The following PLCB1 variants were observed in gnomAD, a reference collection of about 807,000 sequenced individuals.
PLCB1 encodes the protein phospholipase C beta 1.
In PLCB1, 46 loss-of-function variants were observed where a neutral mutation model predicts 161.8. The observed-to-expected ratio is 0.28, with a 90% confidence interval of 0.22 to 0.36. The LOEUF (loss-of-function observed/expected upper bound fraction) is 0.36. Ranked by LOEUF, PLCB1 falls within the 10% of genes least tolerant of loss-of-function variation. The pLI is 1.00. For missense variants in PLCB1, 1,016 were observed against 1,472.5 expected, an observed-to-expected ratio of 0.69 and a Z score of 5.07; for synonymous variants, 517 against 503.7, an observed-to-expected ratio of 1.03 and a Z score of -0.35.
At chr20:8,337,698 G>C (rs1985636974) in intron 2 of PLCB1, among the ~76,000 whole-genome samples, 1 of 152,094 alleles carries the variant, frequency 6.6e-6, no homozygotes. Flanking sequence ...TTTCAATGTT[G>C]GTTTGAACAA....
intron 2 of PLCB1, among the ~76,000 whole-genome samples, chr20:8,267,393 C>T (rs1982024126): frequency 6.6e-6 from 1 of 152,128 alleles, no homozygotes; most frequent in Non-Finnish European, 1.5e-5. Flanking sequence ...CAGTTTTCCT[C>T]AAGATGGGAC....
intron 3 of PLCB1, among the ~76,000 whole-genome samples, chr20:8,455,598 G>A (rs553715581): frequency 1.2e-4 from 18 of 151,486 alleles, no homozygotes; most frequent in South Asian, 2.1e-4. Context: ...CCGCCACCAC[G>A]CCCGGCTAAT....
At chr20:8,321,020 T>TAAAG (rs543999649) in intron 2 of PLCB1, among the ~76,000 whole-genome samples, 1 of 150,270 alleles carries the variant, frequency 6.7e-6, no homozygotes, top group Non-Finnish European at 1.5e-5. Flanking sequence ...GGGAGGGAGA[T>TAAAG]AAAGAAAGAA....
In PLCB1 at chr20:8,387,977, TAA is replaced by T. The variant is rs1555802977; in HGVS notation, c.246+16546_246+16547del. Among the ~76,000 whole-genome samples the T allele has an allele frequency of 2.7e-3, 337 of 126,754 alleles. 2 individuals carry two copies. The highest frequency in any genetic ancestry group is 9.3e-3 in the African/African-American group (307 of 33,136). The allele number at this position is 126,754 out of a possible 152,430, so 83.2% of individuals were successfully genotyped here. On this transcript the variant is annotated intron_variant, in intron 3 of 31. Coordinates refer to ENST00000338037, the MANE Select transcript of PLCB1 (RefSeq NM_015192.4). ...ATTATGTATGTTTTACCACTTTTTT[TAA>T]AAAAAAAAAAAAAAAAAAGAAGAAA... is the stretch of plus-strand genomic sequence containing the variant.
chr20:8,448,321 GC>G lies in PLCB1; in HGVS notation c.246+76873del, dbSNP rs1225179140. The stretch of plus-strand genomic sequence containing the variant: ...AACCTGAAACGCACATCAGTCTTGT[GC>G]CTTTTTCTGTTTCTTCCACTAGCAG... On this transcript the variant is annotated intron_variant, in intron 3 of 31. Transcript: ENST00000338037. 3.9e-5 allele frequency among the ~76,000 whole-genome samples: 6 copies of G among 152,252 alleles called. No individual in the cohort carries two copies. In the East Asian group the frequency reaches 1.2e-3, roughly 29 times the overall value.
chr20:8,264,140 A>G (rs563522413), intron 2 of PLCB1, among the ~76,000 whole-genome samples: 2 of 152,314 alleles, frequency 1.3e-5, no homozygotes, highest in South Asian at 2.1e-4. Context: ...CAATTTTTAA[A>G]TATTTAGTTT....
At chr20:8,294,333 C>A (rs1983526184) in intron 2 of PLCB1, among the ~76,000 whole-genome samples, 1 of 151,954 alleles carries the variant, frequency 6.6e-6, no homozygotes, top group Non-Finnish European at 1.5e-5. Flanking sequence ...ATTAATATCA[C>A]AGTGAGATAT....
intron 10 of PLCB1, among the ~76,000 whole-genome samples, chr20:8,685,343 G>GCA (rs936220854): frequency 6.6e-6 from 1 of 151,894 alleles, no homozygotes; most frequent in Non-Finnish European, 1.5e-5. Flanking sequence ...CAGATCAATG[G>GCA]GATTTTTGTG....
chr20:8,412,014 G>T (rs560966623), intron 3 of PLCB1, among the ~76,000 whole-genome samples: 1 of 151,566 alleles, frequency 6.6e-6, no homozygotes, highest in South Asian at 2.1e-4. Context: ...CAACAGCAAA[G>T]ACTCCGTCTC....
chr20:8,352,481 T>C (rs1170501724), intron 2 of PLCB1, among the ~76,000 whole-genome samples: 3 of 152,160 alleles, frequency 2.0e-5, no homozygotes, highest in Non-Finnish European at 4.4e-5. Flanking sequence ...ACTATGCATT[T>C]ATAAAAATCT....
intron 3 of PLCB1, among the ~76,000 whole-genome samples, chr20:8,409,444 TTTATTA>T (rs66962703): frequency 0.05 from 7,428 of 147,312 alleles, 280 homozygotes; most frequent in Non-Finnish European, 0.077. Context: ...GTATATTATT[TTTATTA>T]TTATTATTAT....
chr20:8,871,997 C>T (rs1421575775), intron 31 of PLCB1, among the ~76,000 whole-genome samples: 1 of 152,102 alleles, frequency 6.6e-6, no homozygotes, highest in Non-Finnish European at 1.5e-5. Flanking sequence ...TGAGCAAGGT[C>T]ATATTTCATA....
intron 2 of PLCB1, among the ~76,000 whole-genome samples, chr20:8,283,843 A>G (rs912047605): frequency 1.3e-5 from 2 of 152,062 alleles, no homozygotes; most frequent in East Asian, 1.9e-4. Context: ...GAATCTTTGA[A>G]AAAACAATTC....
chr20:8,594,723 T>A (rs1180005350), intron 3 of PLCB1, among the ~76,000 whole-genome samples: 1 of 150,898 alleles, frequency 6.6e-6, no homozygotes, highest in African/African-American at 2.4e-5. Context: ...ATGACATCAA[T>A]ATGAACTCAG....
chr20:8,412,073 G>A (rs1372609200), intron 3 of PLCB1, among the ~76,000 whole-genome samples: 1 of 151,990 alleles, frequency 6.6e-6, no homozygotes, highest in Non-Finnish European at 1.5e-5. Context: ...AGAAATTGAC[G>A]CTTATAAATA....
At chr20:8,569,956 A>G (rs941195491) in intron 3 of PLCB1, among the ~76,000 whole-genome samples, 64 of 152,332 alleles carry the variant, frequency 4.2e-4, no homozygotes, top group African/African-American at 1.5e-3. Flanking sequence ...CTGTGTAACT[A>G]GAAAGCCCAA....
intron 1 of PLCB1, among the ~76,000 whole-genome samples, chr20:8,136,725 G>A (rs2051354100): frequency 6.6e-6 from 1 of 151,886 alleles, no homozygotes; most frequent in South Asian, 2.1e-4. Context: ...TCTACTAGTG[G>A]AAAAATTCAG....
intron 3 of PLCB1, among the ~76,000 whole-genome samples, chr20:8,563,767 A>C (rs190637378): frequency 6.6e-6 from 1 of 152,204 alleles, no homozygotes; most frequent in Admixed American, 6.5e-5. Context: ...AGAATAAAAT[A>C]CCTAGGAATA....
chr20:8,303,580 G>C (rs148304890), intron 2 of PLCB1, among the ~76,000 whole-genome samples: 199 of 152,200 alleles, frequency 1.3e-3, no homozygotes, highest in African/African-American at 4.5e-3. Flanking sequence ...AATATAAAGA[G>C]GGTAATTTAA....
Sources: gnomAD v4.1 joint callset for allele counts (sites outside exome capture counted in the v4.1 genomes callset) on GRCh38, gnomAD v4.1.1 for gene constraint, MANE v1.5 for transcripts, NCBI Gene and HGNC (gene_info 2026-07-23, HGNC 2026-07-21) for gene names.